RIMS4: variants seen among roughly 807,000 people sequenced by gnomAD.
RIMS4 encodes the protein regulating synaptic membrane exocytosis protein 4.
In RIMS4, 9 loss-of-function variants were observed where a neutral mutation model predicts 29.0. The observed-to-expected ratio is 0.31, with a 90% CI of 0.19 to 0.54. The LOEUF is 0.54. RIMS4 is among the 20% of genes least tolerant of loss of function. The pLI is 0.94. For synonymous variants in RIMS4, 130 were observed against 152.9 expected (o/e 0.85, Z 1.10); for missense variants, 193 against 365.7 (o/e 0.53, Z 3.85).
intron 2 of RIMS4, among the ~76,000 whole-genome samples, chr20:44,764,259 C>CCATCCATCCATCCATTT (rs1555859478): frequency 5.9e-5 from 9 of 152,112 alleles, no homozygotes; most frequent in East Asian, 1.9e-4. Flanking sequence ...TCCATCCTCC[C>CCATCCATCCATCCATTT]ACAAACTCAC....
At chr20:44,791,345 T>C (rs2066231684) in intron 1 of RIMS4, among the ~76,000 whole-genome samples, 1 of 152,184 alleles carries the variant, frequency 6.6e-6, no homozygotes, top group Admixed American at 6.5e-5. Flanking sequence ...TATGAGGATG[T>C]TAGACTCAAG....
chr20:44,762,610 T>C lies in RIMS4; in HGVS notation c.237-4426A>G, dbSNP rs116123262. On this transcript the variant is annotated intron_variant, in intron 2 of 5. Coordinates refer to ENST00000372851, the MANE Select transcript of RIMS4 (RefSeq NM_182970.4). ...ATGGGGAACTGGCAGGCCTGGTAAT[T>C]AGCGGTAATTGTTTATAATATCTGG... Among the ~76,000 whole-genome samples, 629 of 152,224 alleles carry C rather than the reference T, an allele frequency of 4.1e-3. 6 individuals are homozygous for C. Among genetic ancestry groups the C allele is most frequent in the African/African-American group, 0.015 (606 of 41,532 alleles).
chr20:44,767,107 C>T (rs775831838), intron 2 of RIMS4, among the ~76,000 whole-genome samples: 20 of 152,346 alleles, frequency 1.3e-4, no homozygotes, highest in Non-Finnish European at 2.6e-4. Context: ...TCACCTCTCT[C>T]CCACATGCTC....
intron 1 of RIMS4, among the ~76,000 whole-genome samples, chr20:44,798,704 T>C (rs1006045715): frequency 7.9e-5 from 12 of 152,336 alleles, no homozygotes; most frequent in African/African-American, 2.4e-4. Flanking sequence ...TACCCTGCTA[T>C]AGGAGTACCG....
intron 2 of RIMS4, among the ~76,000 whole-genome samples, chr20:44,763,010 A>C (rs2066092869): frequency 6.6e-6 from 1 of 152,230 alleles, no homozygotes; most frequent in South Asian, 2.1e-4. Flanking sequence ...AATGTTTTTC[A>C]AAATTTCTGC....
At chr20:44,781,645 G>C (rs181374801) in intron 1 of RIMS4, among the ~76,000 whole-genome samples, 6 of 152,298 alleles carry the variant, frequency 3.9e-5, no homozygotes, top group African/African-American at 1.4e-4. Context: ...GGGGTGGTCA[G>C]GGGAAAGTCA....
intron 2 of RIMS4, 120 bp downstream of exon 2, chr20:44,771,155 T>G: frequency 2.3e-5 from 27 of 1,183,722 alleles, no homozygotes; most frequent in Non-Finnish European, 3.0e-5. Flanking sequence ...CCTGGAGCCC[T>G]GAGCTGGCGC....
intron 1 of RIMS4, among the ~76,000 whole-genome samples, chr20:44,795,632 C>CA (rs777084437): frequency 0.032 from 4,616 of 143,680 alleles, 75 homozygotes; most frequent in South Asian, 0.067. Flanking sequence ...ACTCCATCTC[C>CA]AAAAAAAAAA....
chr20:44,783,349 A>G lies in RIMS4; in HGVS notation c.98-11936T>C, dbSNP rs888995497. ...AAAAGCATGCAGTACTGGGCCGGGC[A>G]TGGTGGCTCACGCCTATAATCCCAG... is the stretch of plus-strand genomic sequence containing the variant. On this transcript the variant is annotated intron_variant, in intron 1 of 5. Transcript: ENST00000372851. 5.3e-5 allele frequency among the ~76,000 whole-genome samples: 8 copies of G among 152,190 alleles called. No homozygotes were observed. In the East Asian group the frequency reaches 1.3e-3, roughly 26 times the overall value.
chr20:44,781,292 T>C lies in RIMS4; in HGVS notation c.98-9879A>G, dbSNP rs75452034. 1.6e-4 allele frequency among the ~76,000 whole-genome samples: 25 copies of C among 152,304 alleles called. No individual in the cohort carries two copies. In the East Asian group the frequency reaches 4.6e-3, roughly 28 times the overall value. On this transcript the variant is annotated intron_variant, in intron 1 of 5. Transcript: ENST00000372851. The stretch of plus-strand genomic sequence containing the variant: ...AATAGATAGGCAAGTAAAGGGGCAA[T>C]TGTGCAATAATTACAACGTAGCATA...
intron 1 of RIMS4, among the ~76,000 whole-genome samples, chr20:44,773,251 A>G (rs887971930): frequency 4.6e-5 from 7 of 152,082 alleles, no homozygotes; most frequent in South Asian, 2.1e-4. Context: ...GTGTGCCCCT[A>G]TATCTGTGTT....
chr20:44,782,139 T>C (rs951909646), intron 1 of RIMS4, among the ~76,000 whole-genome samples: 17 of 152,174 alleles, frequency 1.1e-4, no homozygotes, highest in Non-Finnish European at 2.1e-4. Context: ...ACAGGAAAAA[T>C]GATAGAATCC....
chr20:44,795,497 T>C (rs2066250963), intron 1 of RIMS4, among the ~76,000 whole-genome samples: 1 of 152,108 alleles, frequency 6.6e-6, no homozygotes, highest in Non-Finnish European at 1.5e-5. Flanking sequence ...CCAGGTGTGA[T>C]GGCGGGCGCC....
chr20:44,780,221 A>T, intron 1 of RIMS4, among the ~76,000 whole-genome samples: 1 of 152,214 alleles, frequency 6.6e-6, no homozygotes, highest in African/African-American at 2.4e-5. Flanking sequence ...AATGGCAACC[A>T]GTGGCATGTC....
chr20:44,808,008 G>A (rs538124788), intron 1 of RIMS4, among the ~76,000 whole-genome samples: 1 of 152,110 alleles, frequency 6.6e-6, no homozygotes, highest in Non-Finnish European at 1.5e-5. Flanking sequence ...AATGGAAAGA[G>A]AACCATAAAC....
intron 1 of RIMS4, among the ~76,000 whole-genome samples, chr20:44,791,967 T>C (rs1252537290): frequency 6.6e-6 from 1 of 152,088 alleles, no homozygotes; most frequent in Admixed American, 6.5e-5. Context: ...CCAGGAACCT[T>C]CTTCCTAATC....
rs2066034107 is a variant in RIMS4, at chr20:44,751,898, A to AACCC, written c.*4232_*4235dup. 6.6e-6 allele frequency: 1 copy of AACCC among 152,192 alleles called. No homozygotes were observed. Among genetic ancestry groups the AACCC allele is most frequent in the African/African-American group, 2.4e-5 (1 of 41,430 alleles). The allele number at this position is 152,192 out of a possible 1,614,324, so 9.4% of individuals were successfully genotyped here. ...CCCACTCCAACCCAAGGGCCCCAGA[A>AACCC]ACCCTCCCTCCCTAAAGGCCTGGGC... On this transcript the variant is annotated 3_prime_UTR_variant, in exon 6 of 6. Coordinates refer to ENST00000372851, the MANE Select transcript of RIMS4 (RefSeq NM_182970.4).
At chr20:44,759,127 G>A (rs2066073289) in intron 2 of RIMS4, among the ~76,000 whole-genome samples, 1 of 152,170 alleles carries the variant, frequency 6.6e-6, no homozygotes, top group Non-Finnish European at 1.5e-5. Context: ...TGTATTAAGT[G>A]CGATGAGGCA....
chr20:44,786,496 A>G (rs2066209303), intron 1 of RIMS4, among the ~76,000 whole-genome samples: 1 of 152,238 alleles, frequency 6.6e-6, no homozygotes, highest in Non-Finnish European at 1.5e-5. Flanking sequence ...TATATGTGCC[A>G]GCCTTCATAC....
Sources: allele counts gnomAD v4.1 joint callset (sites outside exome capture counted in the v4.1 genomes callset), GRCh38; gene constraint gnomAD v4.1.1; transcripts MANE v1.5; gene names NCBI Gene and HGNC (gene_info 2026-07-23, HGNC 2026-07-21).